DAPK2: variants seen among roughly 807,000 people sequenced by gnomAD.
DAPK2 encodes death-associated protein kinase 2.
In DAPK2, 35 loss-of-function variants were observed where a neutral mutation model predicts 44.1. The observed-to-expected ratio is 0.79, with a 90% CI of 0.61 to 1.05. The LOEUF is 1.05. DAPK2 is among the 50% of genes least tolerant of loss of function. The pLI is 0.00. For synonymous variants in DAPK2, 174 were observed against 182.6 expected (o/e 0.95, Z 0.38); for missense variants, 453 against 483.2 (o/e 0.94, Z 0.59).
intron 3 of DAPK2, among the ~76,000 whole-genome samples, chr15:63,940,745 AAAT>A: frequency 6.6e-6 from 1 of 152,132 alleles, no homozygotes; most frequent in Non-Finnish European, 1.5e-5. Flanking sequence ...AAATAAAATG[AAAT>A]ATAAAAAGGA....
chr15:63,962,643 C>A (rs1246275142), intron 3 of DAPK2, among the ~76,000 whole-genome samples: 1 of 152,220 alleles, frequency 6.6e-6, no homozygotes, highest in Admixed American at 6.5e-5. Flanking sequence ...CTGGGTATCA[C>A]CAGCGGAGGC....
rs3056984 is a variant in DAPK2, at chr15:63,948,270, C to CAAAAAAAAAAAAAAAAAAAA, written c.454-8929_454-8910dup. The stretch of plus-strand genomic sequence containing the variant: ...TGCATGATGGAGTGAGACTCCATCT[C>CAAAAAAAAAAAAAAAAAAAA]AAAAAAAAAAAAAAAAAAAAAAAAA... On this transcript the variant is annotated intron_variant, in intron 3 of 10. Coordinates refer to ENST00000261891, the Ensembl canonical transcript of DAPK2. Among the ~76,000 whole-genome samples the CAAAAAAAAAAAAAAAAAAAA allele has an allele frequency of 3.9e-5, 2 of 51,920 alleles. 1 individual carries two copies. Among genetic ancestry groups the CAAAAAAAAAAAAAAAAAAAA allele is most frequent in the Non-Finnish European group, 6.2e-5 (2 of 32,050 alleles). 34.1% of individuals were successfully genotyped at this position (51,920 alleles called of 152,430 possible).
At chr15:63,951,937 T>G (rs1433020127) in intron 3 of DAPK2, among the ~76,000 whole-genome samples, 6 of 152,186 alleles carry the variant, frequency 3.9e-5, no homozygotes, top group South Asian at 2.1e-4. Flanking sequence ...TGATCAATGC[T>G]CAGCAGAAGT....
intron 3 of DAPK2, among the ~76,000 whole-genome samples, chr15:63,953,217 G>A (rs1003479087): frequency 6.7e-6 from 1 of 150,304 alleles, no homozygotes; most frequent in African/African-American, 2.4e-5. Context: ...ACTTATGAGT[G>A]AGAACATACA....
At chr15:64,036,433 C>T (rs2080215010) in intron 1 of DAPK2, among the ~76,000 whole-genome samples, 1 of 148,518 alleles carries the variant, frequency 6.7e-6, no homozygotes, top group Non-Finnish European at 1.5e-5. Context: ...ATGAACACAT[C>T]TGTGAAACAG....
In DAPK2 at chr15:63,929,533, TG is replaced by T. The variant is rs778214771; in HGVS notation, c.659+17del. 6 of 1,613,614 alleles carry T rather than the reference TG, an allele frequency of 3.7e-6. No individual in the cohort carries two copies. Among genetic ancestry groups the T allele is most frequent in the Non-Finnish European group, 4.2e-6 (5 of 1,179,972 alleles). ...CAGATCTAAGCTGAGCCAGAGCCCC[TG>T]GATCAGGGATACTCACAGGATGTAG... On this transcript the variant is annotated intron_variant, in intron 6 of 10. Transcript: ENST00000261891.
At chr15:63,998,229 C>T (rs760105075) in intron 1 of DAPK2, among the ~76,000 whole-genome samples, 2 of 152,202 alleles carry the variant, frequency 1.3e-5, no homozygotes, top group African/African-American at 2.4e-5. Context: ...GCTGCCCTTC[C>T]CTGCCCCTCA....
At chr15:64,036,328 T>C (rs1373385139) in intron 1 of DAPK2, among the ~76,000 whole-genome samples, 2 of 123,362 alleles carry the variant, frequency 1.6e-5, no homozygotes, top group Non-Finnish European at 1.7e-5. Flanking sequence ...TGTATATATA[T>C]ATATATATAC....
intron 3 of DAPK2, among the ~76,000 whole-genome samples, chr15:63,970,606 C>A (rs1437717719): frequency 6.6e-6 from 1 of 152,154 alleles, no homozygotes; most frequent in East Asian, 1.9e-4. Context: ...AATTTTGTAT[C>A]AGCAGCAATA....
chr15:64,016,042 A>T (rs1388413314), intron 1 of DAPK2, among the ~76,000 whole-genome samples: 1 of 152,222 alleles, frequency 6.6e-6, no homozygotes, highest in Non-Finnish European at 1.5e-5. Flanking sequence ...TCTTCAGGAA[A>T]GCATCCGAGA....
chr15:63,962,313 T>G (rs28781312), intron 3 of DAPK2, among the ~76,000 whole-genome samples: 4,265 of 152,300 alleles, frequency 0.028, 203 homozygotes, highest in African/African-American at 0.093. Flanking sequence ...CAGAGAAGTT[T>G]GTTATTACCG....
At chr15:64,001,475 A>G (rs1314442101) in intron 1 of DAPK2, among the ~76,000 whole-genome samples, 1 of 152,178 alleles carries the variant, frequency 6.6e-6, no homozygotes, top group African/African-American at 2.4e-5. Flanking sequence ...CTAAGAAGAC[A>G]ACAGCCTCTT....
At chr15:64,040,045 G>A in intron 1 of DAPK2, 125 bp downstream of exon 2, 8 of 714,170 alleles carry the variant, frequency 1.1e-5, no homozygotes, top group Non-Finnish European at 2.0e-5. Context: ...ATAATCCTCA[G>A]GCTCATTTTT....
intron 1 of DAPK2, among the ~76,000 whole-genome samples, chr15:64,028,994 G>C (rs776200434): frequency 8.6e-5 from 13 of 152,004 alleles, no homozygotes; most frequent in Non-Finnish European, 1.5e-4. Flanking sequence ...TATGTGGAAA[G>C]GTACATATTT....
At position 63,934,247 on chromosome 15, in the gene DAPK2, T is replaced by C. The variant is rs985778682; in HGVS notation, c.584-3792A>G. Among the ~76,000 whole-genome samples the C allele has an allele frequency of 2.2e-5, 3 of 137,396 alleles. No individual in the cohort carries two copies. In the Admixed American group the frequency reaches 2.3e-4, roughly 11 times the overall value. 90.1% of individuals were successfully genotyped at this position (137,396 alleles called of 152,430 possible). The stretch of plus-strand genomic sequence containing the variant: ...TTTTCTTCATGTTCTAGTTTTATCC[T>C]AGTTTTTTTTTTTTTTTTTTTTTTT... On this transcript the variant is annotated intron_variant, in intron 4 of 10. Transcript: ENST00000261891.
In DAPK2 at chr15:63,950,238, C is replaced by T. The variant is rs550042036; in HGVS notation, c.454-10877G>A. On this transcript the variant is annotated intron_variant, in intron 3 of 10. Coordinates refer to ENST00000261891, the Ensembl canonical transcript of DAPK2. Reference sequence around the variant, plus strand: ...AAGAGAAAACAATTTTTTTTTGAGACATAGTCTCACTCTATCAACCAAGCT... The same window carrying T: ...AAGAGAAAACAATTTTTTTTTGAGATATAGTCTCACTCTATCAACCAAGCT... 4.6e-5 allele frequency among the ~76,000 whole-genome samples: 7 copies of T among 152,130 alleles called. No individual in the cohort carries two copies. The East Asian group carries it at 1.4e-3, about 29-fold the overall frequency.
chr15:63,998,765 CGTGGGCTGTAGT>C (rs1042107097), intron 1 of DAPK2, among the ~76,000 whole-genome samples: 2 of 152,168 alleles, frequency 1.3e-5, no homozygotes, highest in African/African-American at 4.8e-5. Flanking sequence ...GGAATCTCAC[CGTGGGCTGTAGT>C]CTCCTGAAAG....
intron 1 of DAPK2, among the ~76,000 whole-genome samples, chr15:63,994,334 C>T (rs1380127043): frequency 6.6e-6 from 1 of 151,832 alleles, no homozygotes; most frequent in Admixed American, 6.6e-5. Flanking sequence ...GCAGCAGGAA[C>T]CCTTCATTGG....
At chr15:63,948,228 A>G (rs1200971524) in intron 3 of DAPK2, among the ~76,000 whole-genome samples, 1 of 130,384 alleles carries the variant, frequency 7.7e-6, no homozygotes, top group African/African-American at 2.9e-5. Context: ...CGGAGATCAC[A>G]CCACTGCATT....
Sources: allele counts gnomAD v4.1 joint callset (sites outside exome capture counted in the v4.1 genomes callset), GRCh38; gene constraint gnomAD v4.1.1; transcripts MANE v1.5; gene names NCBI Gene and HGNC (gene_info 2026-07-23, HGNC 2026-07-21).